The following JARID2 variants were observed in gnomAD, a reference collection of about 807,000 sequenced individuals.
JARID2 encodes jumonji and AT-rich interaction domain containing 2.
Under a neutral mutation model 125.6 loss-of-function variants are expected in JARID2, and 21 were observed. The ratio of observed to expected loss-of-function variants is 0.17; its 90% confidence interval spans 0.12 to 0.24. The LOEUF (loss-of-function observed/expected upper bound fraction) is 0.24. JARID2 is among the 10% of genes least tolerant of loss of function. The pLI is 1.00. For missense variants in JARID2, 1,303 were observed against 1,639.6 expected, an observed-to-expected ratio of 0.79 and a Z score of 3.55; for synonymous variants, 736 against 661.6, an observed-to-expected ratio of 1.11 and a Z score of -1.73.
At chr6:15,333,362 A>G (rs961231902) in intron 1 of JARID2, among the ~76,000 whole-genome samples, 4 of 152,264 alleles carry the variant, frequency 2.6e-5, no homozygotes, top group African/African-American at 7.2e-5. Flanking sequence ...ATCAGCAGTT[A>G]TTATTTCTTC....
chr6:15,487,649 GC>G, intron 6 of JARID2, 107 bp downstream of exon 6: 2 of 1,002,806 alleles, frequency 2.0e-6, no homozygotes, highest in Non-Finnish European at 2.9e-6. Context: ...AGGAGGTGAT[GC>G]CCAGAAGCAA....
chr6:15,497,284 C>G (rs1389841927), intron 7 of JARID2, 114 bp downstream of exon 7: 5 of 829,198 alleles, frequency 6.0e-6, no homozygotes, highest in Non-Finnish European at 9.3e-6. Context: ...GTTCCGCTTC[C>G]CTGTCTCGGG....
intron 5 of JARID2, among the ~76,000 whole-genome samples, chr6:15,477,504 G>GTTTT (rs56055395): frequency 7.3e-6 from 1 of 137,436 alleles, no homozygotes. Context: ...GGGAGTGTTG[G>GTTTT]TTTTTTTTTT....
At chr6:15,489,119 C>T (rs191252690) in intron 6 of JARID2, among the ~76,000 whole-genome samples, 1 of 152,198 alleles carries the variant, frequency 6.6e-6, no homozygotes, top group African/African-American at 2.4e-5. Flanking sequence ...GGGAGAAAGA[C>T]AGAAAGACAG....
chr6:15,376,577 A>G (rs1042137254), intron 2 of JARID2, among the ~76,000 whole-genome samples: 1 of 152,158 alleles, frequency 6.6e-6, no homozygotes, highest in Non-Finnish European at 1.5e-5. Context: ...ATAATAAATT[A>G]GCCAGGCATG....
intron 1 of JARID2, among the ~76,000 whole-genome samples, chr6:15,295,449 T>C (rs1369540762): frequency 6.6e-6 from 1 of 152,122 alleles, no homozygotes; most frequent in African/African-American, 2.4e-5. Flanking sequence ...AGTTAATTTA[T>C]ATAGGTAATA....
At chr6:15,312,275 G>C (rs1361609551) in intron 1 of JARID2, among the ~76,000 whole-genome samples, 2 of 152,094 alleles carry the variant, frequency 1.3e-5, no homozygotes, top group Non-Finnish European at 2.9e-5. Flanking sequence ...GGCTGGGCTC[G>C]AACTCCTGAC....
intron 17 of JARID2, among the ~76,000 whole-genome samples, chr6:15,519,631 A>C (rs1771734934): frequency 6.6e-6 from 1 of 152,222 alleles, no homozygotes; most frequent in African/African-American, 2.4e-5. Context: ...TTACAAGGAT[A>C]TGTATAGGTT....
intron 3 of JARID2, among the ~76,000 whole-genome samples, chr6:15,440,856 A>C (rs1223658454): frequency 6.6e-6 from 1 of 152,168 alleles, no homozygotes; most frequent in Non-Finnish European, 1.5e-5. Flanking sequence ...GTGTTTCCTT[A>C]TCTTAGGCAT....
At chr6:15,281,581 G>T (rs924457448) in intron 1 of JARID2, among the ~76,000 whole-genome samples, 3 of 152,190 alleles carry the variant, frequency 2.0e-5, no homozygotes, top group African/African-American at 7.2e-5. Flanking sequence ...CCGCGTGGGG[G>T]GCCCCCCACT....
intron 1 of JARID2, among the ~76,000 whole-genome samples, chr6:15,294,730 C>A (rs1177353554): frequency 6.6e-6 from 1 of 152,124 alleles, no homozygotes; most frequent in Non-Finnish European, 1.5e-5. Context: ...AATTGTAGAA[C>A]CAATACATTG....
chr6:15,445,602 C>G (rs968572726), intron 3 of JARID2, among the ~76,000 whole-genome samples: 4 of 152,156 alleles, frequency 2.6e-5, no homozygotes, highest in Non-Finnish European at 5.9e-5. Flanking sequence ...AGTACAAATA[C>G]TCTCTGATGT....
chr6:15,405,674 G>C lies in JARID2; in HGVS notation c.182-4550G>C, dbSNP rs147444512. On this transcript the variant is annotated intron_variant, in intron 2 of 17. Coordinates refer to ENST00000341776, the MANE Select transcript of JARID2 (RefSeq NM_004973.4). Reference sequence around the variant, plus strand: ...AACAAAGGTTTGTGTTGGTCGGGGTGGGGGAGGGGGTTGGAAAAATAAAAA... The same window carrying C: ...AACAAAGGTTTGTGTTGGTCGGGGTCGGGGAGGGGGTTGGAAAAATAAAAA... Among the ~76,000 whole-genome samples the C allele has an allele frequency of 4.0e-3, 603 of 152,284 alleles. 4 individuals carry two copies. The highest frequency in any genetic ancestry group is 0.024 in the Middle Eastern group (7 of 294).
At chr6:15,288,211 T>C (rs1761074307) in intron 1 of JARID2, among the ~76,000 whole-genome samples, 2 of 151,488 alleles carry the variant, frequency 1.3e-5, no homozygotes, top group South Asian at 4.2e-4. Context: ...ACACAAAACA[T>C]GGCTGCTTAG....
intron 17 of JARID2, among the ~76,000 whole-genome samples, chr6:15,519,304 C>T (rs1241786785): frequency 2.6e-5 from 4 of 152,132 alleles, no homozygotes; most frequent in South Asian, 2.1e-4. Context: ...ATTACAGATA[C>T]GTGTGGACCG....
chr6:15,442,507 G>C (rs1009642883), intron 3 of JARID2, among the ~76,000 whole-genome samples: 1 of 152,178 alleles, frequency 6.6e-6, no homozygotes, highest in African/African-American at 2.4e-5. Context: ...AGATCTATCT[G>C]CTTTTTGCTT....
At chr6:15,291,956 C>T (rs1439279312) in intron 1 of JARID2, among the ~76,000 whole-genome samples, 1 of 152,086 alleles carries the variant, frequency 6.6e-6, no homozygotes, top group African/African-American at 2.4e-5. Flanking sequence ...AAACCTCTCT[C>T]ATTGCCATCT....
chr6:15,337,775 C>G (rs929486150), intron 1 of JARID2, among the ~76,000 whole-genome samples: 2 of 150,992 alleles, frequency 1.3e-5, no homozygotes, highest in Non-Finnish European at 2.9e-5. Flanking sequence ...GGGAAGTTAA[C>G]GAAGGAACGG....
intron 4 of JARID2, among the ~76,000 whole-genome samples, chr6:15,466,798 A>G (rs531803079): frequency 1.6e-4 from 25 of 152,254 alleles, no homozygotes; most frequent in African/African-American, 5.8e-4. Flanking sequence ...ATGTGGATAG[A>G]TATTTTTTTC....
Sources: allele counts gnomAD v4.1 joint callset (sites outside exome capture counted in the v4.1 genomes callset), GRCh38; gene constraint gnomAD v4.1.1; transcripts MANE v1.5; gene names NCBI Gene and HGNC (gene_info 2026-07-23, HGNC 2026-07-21).